The following OTOA variants were observed in gnomAD, a reference collection of about 807,000 sequenced individuals.
OTOA encodes cancer/testis antigen 108.
In OTOA, 70 loss-of-function variants were observed where a neutral mutation model predicts 110.8. That is an observed-to-expected ratio of 0.63 (90% CI 0.52 to 0.77). The LOEUF is 0.77. Ranked by LOEUF, OTOA falls within the 30% of genes least tolerant of loss-of-function variation. The pLI is 0.00. For synonymous variants in OTOA, 373 were observed against 431.5 expected (o/e 0.86, Z 1.68); for missense variants, 917 against 1,075.8 (o/e 0.85, Z 2.06).
At position 21,686,460 on chromosome 16, in the gene OTOA, A is replaced by T. The variant is rs116436079; in HGVS notation, c.400-953A>T. Among the ~76,000 whole-genome samples the T allele has an allele frequency of 4.7e-3, 714 of 152,000 alleles. 11 individuals carry two copies. The highest frequency in any genetic ancestry group is 0.016 in the African/African-American group (680 of 41,474). ...CGCATTAGCACACCCAGCTAATTTT[A>T]AAAAATTTATTTTTTAGGGACGGGG... On this transcript the variant is annotated intron_variant, in intron 7 of 28. Transcript: ENST00000646100.
At chr16:21,713,471 G>A (rs1213373268) in intron 13 of OTOA, among the ~76,000 whole-genome samples, 2 of 152,020 alleles carry the variant, frequency 1.3e-5, no homozygotes, top group African/African-American at 4.8e-5. Flanking sequence ...AGGGAGGGAG[G>A]GTGTGGAATA....
chr16:21,681,520 C>A (rs1337650924), intron 5 of OTOA, among the ~76,000 whole-genome samples: 1 of 151,978 alleles, frequency 6.6e-6, no homozygotes, highest in African/African-American at 2.4e-5. Context: ...GAGATTGAGG[C>A]TGCAGTGAGC....
intron 6 of OTOA, among the ~76,000 whole-genome samples, chr16:21,684,260 T>C (rs544215294): frequency 2.9e-4 from 44 of 152,236 alleles, no homozygotes; most frequent in Admixed American, 9.2e-4. Flanking sequence ...GATTTGCATG[T>C]GGCTTGTCTG....
chr16:21,691,509 T>C, intron 8 of OTOA, 75 bp from the exon 9 acceptor site: 1 of 1,222,120 alleles, frequency 8.2e-7, no homozygotes, highest in Non-Finnish European at 1.2e-6. Context: ...GGGTCACATT[T>C]GCTGTTGTGA....
At chr16:21,681,647 C>G in intron 5 of OTOA, 91 bp from the exon 6 acceptor site, 1 of 1,052,794 alleles carries the variant, frequency 9.5e-7, no homozygotes, top group South Asian at 1.3e-5. Context: ...CCTGGTCCAT[C>G]CCTACCTGTC....
At chr16:21,698,902 G>A (rs1454609532) in intron 10 of OTOA, among the ~76,000 whole-genome samples, 1 of 152,118 alleles carries the variant, frequency 6.6e-6, no homozygotes, top group African/African-American at 2.4e-5. Flanking sequence ...TAAAAATGTA[G>A]AGAAGGGAGA....
rs189243124 is a variant in OTOA, at chr16:21,719,325, G to A, written c.1689-62G>A. 2.6e-3 allele frequency: 4,149 copies of A among 1,568,836 alleles called. 39 individuals are homozygous for A. The highest frequency in any genetic ancestry group is 0.015 in the South Asian group (1,337 of 89,792). Reference sequence around the variant, plus strand: ...TATCTGATCATATCTGCCTTCTCTCGCTCTTTCTTTCCTCTCCTCCTCACT... The same window carrying A: ...TATCTGATCATATCTGCCTTCTCTCACTCTTTCTTTCCTCTCCTCCTCACT... On this transcript the variant is annotated intron_variant, in intron 16 of 28. Coordinates refer to ENST00000646100, the MANE Select transcript of OTOA (RefSeq NM_144672.4).
In OTOA at chr16:21,715,131, GCAGCAAGGTATCCT is replaced by G; in HGVS notation, c.1477_1488+2del. On this transcript the variant is annotated frameshift_variant, in exon 14 of 29. Coordinates refer to ENST00000646100, the MANE Select transcript of OTOA (RefSeq NM_144672.4). LOFTEE classifies it high-confidence loss of function. ...ATGTATCCGACTTGTCACCTGCCCA[GCAGCAAGGTATCCT>G]CAGCAAGGTGAGAGGAAGATGTCTG... is the stretch of plus-strand genomic sequence containing the variant. 1 of 1,614,190 alleles carries G rather than the reference GCAGCAAGGTATCCT, an allele frequency of 6.2e-7. No individual in the cohort carries two copies. Among genetic ancestry groups the G allele is most frequent in the Non-Finnish European group, 8.5e-7 (1 of 1,180,024 alleles).
chr16:21,682,020 G>A (rs1027588576), intron 6 of OTOA, among the ~76,000 whole-genome samples, 195 bp downstream of exon 6: 2 of 152,124 alleles, frequency 1.3e-5, no homozygotes, highest in African/African-American at 2.4e-5. Context: ...ACCTTTGATG[G>A]AGACATGGTA....
At chr16:21,722,797 A>G (rs1305104892) in intron 17 of OTOA, 108 bp from the exon 18 acceptor site, 2 of 977,272 alleles carry the variant, frequency 2.0e-6, no homozygotes, top group African/African-American at 1.6e-5. Flanking sequence ...GCTCTATTGC[A>G]TAAATGAACA....
chr16:21,675,063 G>GTCTTTCTTTCTT lies in OTOA; in HGVS notation c.-4-3406_-4-3395dup, dbSNP rs199797416. Among the ~76,000 whole-genome samples, 897 of 123,280 alleles carry GTCTTTCTTTCTT rather than the reference G, an allele frequency of 7.3e-3. 4 individuals carry two copies. Among genetic ancestry groups the GTCTTTCTTTCTT allele is most frequent in the Middle Eastern group, 0.012 (3 of 256 alleles). 80.9% of individuals were successfully genotyped at this position (123,280 alleles called of 152,430 possible). A position where few individuals can be genotyped will look rare whatever the true frequency, so the allele number is the denominator to read the frequency against. Reference sequence around the variant, plus strand: ...GGTCATGAGGTCATGTTTTCTTTCTGTCTTTCTTTCTTTCTTTCTTTCTTT... The same window carrying GTCTTTCTTTCTT: ...GGTCATGAGGTCATGTTTTCTTTCTGTCTTTCTTTCTTTCTTTCTTTCTTTCTTTCTTTCTTT... On this transcript the variant is annotated intron_variant, in intron 1 of 28. Coordinates refer to ENST00000646100, the MANE Select transcript of OTOA (RefSeq NM_144672.4).
intron 13 of OTOA, among the ~76,000 whole-genome samples, chr16:21,713,811 T>G (rs1041622582): frequency 7.2e-5 from 11 of 152,180 alleles, no homozygotes; most frequent in African/African-American, 2.4e-4. Flanking sequence ...AGCCTCGTGG[T>G]GACTTTATGT....
chr16:21,675,214 A>G (rs1392490088), intron 1 of OTOA, among the ~76,000 whole-genome samples: 1 of 136,624 alleles, frequency 7.3e-6, no homozygotes, highest in African/African-American at 2.8e-5. Context: ...CAGTGGTGCA[A>G]TCTTGGCTCA....
intron 13 of OTOA, 67 bp from the exon 14 acceptor site, chr16:21,714,918 G>A: frequency 6.2e-7 from 1 of 1,602,376 alleles, no homozygotes; most frequent in South Asian, 1.1e-5. Context: ...ACATAGATGG[G>A]CTGAGTGCAC....
At chr16:21,737,052 C>T (rs1404333551) in intron 22 of OTOA, among the ~76,000 whole-genome samples, 1 of 152,292 alleles carries the variant, frequency 6.6e-6, no homozygotes, top group Non-Finnish European at 1.5e-5. Flanking sequence ...TTTGGGTAAG[C>T]TCTTTAACCT....
intron 28 of OTOA, among the ~76,000 whole-genome samples, chr16:21,758,237 A>G (rs762576207): frequency 2.0e-5 from 3 of 151,752 alleles, no homozygotes; most frequent in Non-Finnish European, 4.4e-5. Flanking sequence ...TCTTAACACC[A>G]CATTTGGACC....
intron 12 of OTOA, among the ~76,000 whole-genome samples, chr16:21,708,499 G>A (rs553806673): frequency 6.6e-6 from 1 of 152,252 alleles, no homozygotes; most frequent in South Asian, 2.1e-4. Flanking sequence ...GATTCAGGAG[G>A]TCCGGGAGCA....
rs539833635 is a variant in OTOA at position 21,703,328 on chromosome 16, G to T, written c.981-1841G>T. On this transcript the variant is annotated intron_variant, in intron 11 of 28. Coordinates refer to ENST00000646100, the MANE Select transcript of OTOA (RefSeq NM_144672.4). ...CTCTGCTTCCATGAGTATGACGTTT[G>T]TTTATTTGTTTTTCAGATTCATAAT... 1.7e-3 allele frequency among the ~76,000 whole-genome samples: 260 copies of T among 152,152 alleles called. 1 individual carries two copies. Among genetic ancestry groups the T allele is most frequent in the African/African-American group, 5.4e-3 (225 of 41,510 alleles).
intron 15 of OTOA, among the ~76,000 whole-genome samples, chr16:21,718,166 C>T (rs1898614792): frequency 6.6e-6 from 1 of 152,168 alleles, no homozygotes; most frequent in Non-Finnish European, 1.5e-5. Flanking sequence ...CCATGTTGGC[C>T]AGGCTGGTGT....
Sources: allele counts gnomAD v4.1 joint callset (sites outside exome capture counted in the v4.1 genomes callset), GRCh38; gene constraint gnomAD v4.1.1; transcripts MANE v1.5; gene names NCBI Gene and HGNC (gene_info 2026-07-23, HGNC 2026-07-21).